Variants in LINGO2 observed in about 807,000 individuals in gnomAD.
LINGO2 encodes leucine rich repeat and Ig domain containing 2.
LINGO2 carries 14 observed loss-of-function variants against 30.6 expected under a neutral mutation model. The ratio of observed to expected loss-of-function variants is 0.46; its 90% CI spans 0.30 to 0.72. LINGO2 has a LOEUF of 0.72. Ranked by LOEUF, LINGO2 falls within the 30% of genes least tolerant of loss-of-function variation. The probability of loss-of-function intolerance (pLI) is 0.07; values close to 1 mark genes in which losing one functional copy is unlikely to be tolerated. For missense variants in LINGO2, 729 were observed against 751.7 expected (o/e 0.97, Z 0.35); for synonymous variants, 317 against 288.5 (o/e 1.10, Z -1.00).
At chr9:29,002,165 G>T in the LINGO2 span, among the ~76,000 whole-genome samples, 1 of 151,912 alleles carries the variant, frequency 6.6e-6, no homozygotes, top group South Asian at 2.1e-4. Flanking sequence ...TCAAAGATGG[G>T]TATATTCTTA....
chr9:28,674,742 G>C (rs1317036942), upstream of LINGO2, among the ~76,000 whole-genome samples: 4 of 152,020 alleles, frequency 2.6e-5, no homozygotes, highest in Non-Finnish European at 1.5e-5. Context: ...ATTAACACAC[G>C]GGACAACACA....
the LINGO2 span, among the ~76,000 whole-genome samples, chr9:28,834,125 T>C: frequency 6.6e-6 from 1 of 152,100 alleles, no homozygotes. Context: ...GAGAAAACAT[T>C]TCAGCACTAA....
At chr9:28,760,667 C>T in the LINGO2 span, among the ~76,000 whole-genome samples, 2 of 151,710 alleles carry the variant, frequency 1.3e-5, no homozygotes, top group Non-Finnish European at 2.9e-5. Context: ...TACTCTTCCC[C>T]TCAAGTCCCC....
rs555705509 is a variant in LINGO2 at position 28,062,909 on chromosome 9, C to G, written c.-86-50504G>C. The stretch of plus-strand genomic sequence containing the variant: ...TGCACTTCCATCCACCACCAACCCC[C>G]AGCTGTAGGCAACCACGAATTTACT... On this transcript the variant is annotated intron_variant, in intron 4 of 5. Coordinates refer to ENST00000379992, the Ensembl canonical transcript of LINGO2. 2.0e-5 allele frequency among the ~76,000 whole-genome samples: 3 copies of G among 152,084 alleles called. No individual in the cohort carries two copies. In the East Asian group the frequency reaches 5.8e-4, roughly 29 times the overall value.
chr9:28,230,936 G>A (rs1365934532), intron 4 of LINGO2, among the ~76,000 whole-genome samples: 1 of 151,826 alleles, frequency 6.6e-6, no homozygotes, highest in African/African-American at 2.4e-5. Flanking sequence ...ATCAAATACT[G>A]TCAAAGCAAC....
intron 1 of LINGO2, among the ~76,000 whole-genome samples, chr9:28,519,829 T>C (rs1413030662): frequency 6.6e-6 from 1 of 152,186 alleles, no homozygotes; most frequent in Non-Finnish European, 1.5e-5. Flanking sequence ...TGGATCATGT[T>C]TTTGGCATTG....
the LINGO2 span, among the ~76,000 whole-genome samples, chr9:29,159,226 C>A: frequency 6.6e-6 from 1 of 152,176 alleles, no homozygotes; most frequent in Non-Finnish European, 1.5e-5. Flanking sequence ...AATAGGTTGG[C>A]ACTAGTGTAT....
chr9:28,830,043 G>T, the LINGO2 span, among the ~76,000 whole-genome samples: 1 of 152,142 alleles, frequency 6.6e-6, no homozygotes, highest in African/African-American at 2.4e-5. Context: ...TGGACATCAG[G>T]ACTAGTCTGT....
chr9:28,330,282 T>C (rs1410479971), intron 3 of LINGO2, among the ~76,000 whole-genome samples: 4 of 152,172 alleles, frequency 2.6e-5, no homozygotes, highest in Non-Finnish European at 5.9e-5. Context: ...GAAATAAATT[T>C]CTGTTGTTTA....
At chr9:28,822,544 G>A in the LINGO2 span, among the ~76,000 whole-genome samples, 1 of 151,078 alleles carries the variant, frequency 6.6e-6, no homozygotes, top group East Asian at 2.0e-4. Context: ...CCTTTAATCT[G>A]GGCGGACACC....
chr9:29,167,698 G>C, the LINGO2 span, among the ~76,000 whole-genome samples: 1 of 152,104 alleles, frequency 6.6e-6, no homozygotes, highest in East Asian at 1.9e-4. Flanking sequence ...ACATACTGTT[G>C]AGCTAAGTGA....
At chr9:28,700,233 A>G in the LINGO2 span, among the ~76,000 whole-genome samples, 1 of 151,992 alleles carries the variant, frequency 6.6e-6, no homozygotes, top group Non-Finnish European at 1.5e-5. Context: ...CACTAAAGGA[A>G]AATGTAAAGA....
At chr9:29,061,911 T>G in the LINGO2 span, among the ~76,000 whole-genome samples, 1 of 152,014 alleles carries the variant, frequency 6.6e-6, no homozygotes, top group African/African-American at 2.4e-5. Flanking sequence ...GAGAAAATAT[T>G]TGCAAGTCAC....
chr9:28,554,128 G>T (rs1346103228), intron 1 of LINGO2, among the ~76,000 whole-genome samples: 1 of 151,334 alleles, frequency 6.6e-6, no homozygotes, highest in Admixed American at 6.6e-5. Context: ...ATAATGACAG[G>T]ATCAAATTCA....
chr9:28,522,538 TAA>T (rs1820865131), intron 1 of LINGO2, among the ~76,000 whole-genome samples: 1 of 152,170 alleles, frequency 6.6e-6, no homozygotes, highest in Non-Finnish European at 1.5e-5. Context: ...CAGAAAAATA[TAA>T]AAGTCTTTGT....
Position 28,455,938 on chromosome 9 carries a change from A to G in LINGO2, c.-279+20002T>C, listed in dbSNP as rs554309425. On this transcript the variant is annotated intron_variant, in intron 2 of 5. Transcript: ENST00000379992. ...TGTATCAGGAAGGCACTATTTTCTC[A>G]TTTGCCAGGTGGACACATACTTTTT... Among the ~76,000 whole-genome samples, 8 of 152,084 alleles carry G rather than the reference A, an allele frequency of 5.3e-5. No individual in the cohort carries two copies. The South Asian group carries it at 1.5e-3, about 28-fold the overall frequency.
chr9:28,431,431 C>T (rs1435266736), intron 2 of LINGO2, among the ~76,000 whole-genome samples: 1 of 152,128 alleles, frequency 6.6e-6, no homozygotes, highest in Non-Finnish European at 1.5e-5. Flanking sequence ...AGATAAATCA[C>T]ATATTAAATC....
the LINGO2 span, among the ~76,000 whole-genome samples, chr9:28,702,446 T>C: frequency 6.6e-6 from 1 of 151,856 alleles, no homozygotes; most frequent in Admixed American, 6.6e-5. Flanking sequence ...TCAAATCTAT[T>C]ACCTGGAATA....
intron 2 of LINGO2, among the ~76,000 whole-genome samples, chr9:28,404,193 T>G (rs912031153): frequency 1.3e-5 from 2 of 152,138 alleles, no homozygotes; most frequent in African/African-American, 4.8e-5. Flanking sequence ...AAAGCTGTCT[T>G]TTTTGTTTCT....
Sources: allele counts gnomAD v4.1 joint callset (sites outside exome capture counted in the v4.1 genomes callset), GRCh38; gene constraint gnomAD v4.1.1; transcripts MANE v1.5; gene names NCBI Gene and HGNC (gene_info 2026-07-23, HGNC 2026-07-21).